Variants in SAMD5 observed in about 807,000 individuals in gnomAD.
The protein encoded by SAMD5 is sterile alpha motif domain-containing protein 5.
SAMD5 carries 13 observed loss-of-function variants against 11.3 expected under a neutral mutation model. The ratio of observed to expected loss-of-function variants is 1.15; its 90% CI spans 0.75 to 1.83. The LOEUF is 1.83. Among genes scored for constraint, SAMD5 ranks in the 40% most tolerant of loss-of-function variants. SAMD5 has a pLI of 0.00. For missense variants in SAMD5, 255 were observed against 239.1 expected, an observed-to-expected ratio of 1.07 and a Z score of -0.44; for synonymous variants, 129 against 111.3, an observed-to-expected ratio of 1.16 and a Z score of -1.00.
intron 1 of SAMD5, among the ~76,000 whole-genome samples, chr6:147,532,529 T>C (rs999084787): frequency 1.2e-4 from 19 of 152,262 alleles, no homozygotes; most frequent in Non-Finnish European, 1.6e-4. Context: ...TATTCACTCA[T>C]TGGTTATGAG....
At chr6:147,889,064 A>T in the SAMD5 span, among the ~76,000 whole-genome samples, 1 of 152,238 alleles carries the variant, frequency 6.6e-6, no homozygotes, top group Admixed American at 6.5e-5. Flanking sequence ...TTCTTCAAAT[A>T]CTTTTTGTTT....
At chr6:147,890,511 A>T in the SAMD5 span, among the ~76,000 whole-genome samples, 1 of 151,768 alleles carries the variant, frequency 6.6e-6, no homozygotes, top group Non-Finnish European at 1.5e-5. Context: ...GGCACACACC[A>T]CCACGCCCCG....
chr6:147,934,621 G>A, the SAMD5 span, among the ~76,000 whole-genome samples: 1 of 152,112 alleles, frequency 6.6e-6, no homozygotes, highest in African/African-American at 2.4e-5. Context: ...AGAGGCAGCA[G>A]GGAACATAAC....
chr6:147,590,008 T>C (rs1299513638), intron 1 of SAMD5, among the ~76,000 whole-genome samples: 1 of 152,176 alleles, frequency 6.6e-6, no homozygotes, highest in Non-Finnish European at 1.5e-5. Context: ...TCTCTCCAAA[T>C]AGACTGTTCA....
At chr6:147,807,225 G>C in the SAMD5 span, among the ~76,000 whole-genome samples, 1 of 151,994 alleles carries the variant, frequency 6.6e-6, no homozygotes, top group Non-Finnish European at 1.5e-5. Flanking sequence ...TCAGACTCCT[G>C]AGTAGCTGGG....
At chr6:147,862,157 T>G in the SAMD5 span, among the ~76,000 whole-genome samples, 1 of 151,510 alleles carries the variant, frequency 6.6e-6, no homozygotes, top group African/African-American at 2.4e-5. Context: ...CTTGTTTAGT[T>G]TTTTTTTTAA....
intron 1 of SAMD5, among the ~76,000 whole-genome samples, chr6:147,515,546 C>G (rs556431625): frequency 6.6e-6 from 1 of 151,984 alleles, no homozygotes; most frequent in East Asian, 1.9e-4. Flanking sequence ...CCATCCTTCC[C>G]TTTACCCATC....
At chr6:147,774,718 T>C in the SAMD5 span, among the ~76,000 whole-genome samples, 2 of 152,130 alleles carry the variant, frequency 1.3e-5, no homozygotes, top group African/African-American at 4.8e-5. Context: ...TATATTGTTA[T>C]TTTTTATAGA....
rs1486950475 is a variant in SAMD5 at position 147,556,752 on chromosome 6, C to T, written c.460-7642C>T. Among the ~76,000 whole-genome samples, 4 of 152,298 alleles carry T rather than the reference C, an allele frequency of 2.6e-5. No individual in the cohort carries two copies. In the South Asian group the frequency reaches 6.2e-4, roughly 24 times the overall value. On this transcript the variant is annotated intron_variant, in intron 1 of 1. Coordinates refer to ENST00000367474, the MANE Select transcript of SAMD5 (RefSeq NM_001030060.3). ...ATATGCTTACATCACATATTAAACT[C>T]TCATTCTTCAATAACTGATATAAAA... is the stretch of plus-strand genomic sequence containing the variant.
In SAMD5 at chr6:147,715,079, T is replaced by G. The variant is rs897568207; in HGVS notation, c.163-22238T>G. On this transcript the variant is annotated intron_variant, in intron 1 of 1. Coordinates refer to the SAMD5 transcript ENST00000566741. ...AAGGGTAGAGTTTTACACTCTTTCC[T>G]GCAGTGGTGTCACGGGATCTTTAGG... 3.9e-5 allele frequency among the ~76,000 whole-genome samples: 6 copies of G among 152,250 alleles called. No homozygotes were observed. In the East Asian group the frequency reaches 1.2e-3, roughly 29 times the overall value.
At chr6:147,761,455 G>A in the SAMD5 span, among the ~76,000 whole-genome samples, 1 of 151,916 alleles carries the variant, frequency 6.6e-6, no homozygotes, top group African/African-American at 2.4e-5. Context: ...GGCTTTGATA[G>A]GACAAAGAAA....
At position 147,569,803 on chromosome 6, in the gene SAMD5, T is replaced by C. The variant is rs1789108007; in HGVS notation, c.*5347T>C. The C allele has an allele frequency of 1.0e-6, 1 of 985,276 alleles. No homozygotes were observed. Among genetic ancestry groups the C allele is most frequent in the Non-Finnish European group, 1.2e-6 (1 of 829,878 alleles). 61.0% of individuals were successfully genotyped at this position (985,276 alleles called of 1,614,324 possible). On this transcript the variant is annotated 3_prime_UTR_variant, in exon 2 of 2. Transcript: ENST00000367474. ...GTATATCTGAGTAGCGAAGCACAGA[T>C]TCACTCTAATTGAAAGCAGCAGTTT...
the SAMD5 span, among the ~76,000 whole-genome samples, chr6:147,905,992 C>T: frequency 3.3e-5 from 5 of 152,110 alleles, no homozygotes; most frequent in African/African-American, 9.7e-5. Flanking sequence ...TGGTCCACAG[C>T]GAGATCTCAG....
intron 1 of SAMD5, among the ~76,000 whole-genome samples, chr6:147,658,953 T>C (rs1330004464): frequency 6.6e-6 from 1 of 152,200 alleles, no homozygotes; most frequent in Non-Finnish European, 1.5e-5. Context: ...TAATGAGTGG[T>C]AATTATTCCA....
chr6:147,736,659 T>C (rs1467059533), intron 1 of SAMD5, among the ~76,000 whole-genome samples: 3 of 152,192 alleles, frequency 2.0e-5, no homozygotes, highest in Admixed American at 2.0e-4. Flanking sequence ...GCATTGGGGA[T>C]GATAGTTCAC....
the SAMD5 span, among the ~76,000 whole-genome samples, chr6:147,816,301 A>AAAAAAAAAAATATATATATATAT: frequency 1.5e-4 from 10 of 66,350 alleles, no homozygotes; most frequent in Admixed American, 2.0e-4. Flanking sequence ...AAAAAAAAAA[A>AAAAAAAAAAATATATATATATAT]ATATATATAT....
chr6:147,697,115 A>G lies in SAMD5; in HGVS notation c.163-40202A>G, dbSNP rs1165385760. On this transcript the variant is annotated intron_variant, in intron 1 of 1. Coordinates refer to the SAMD5 transcript ENST00000566741. ...TTTTGGGAGGGCGCTAATCCCATGTATTGTTACCGAAACACCAGGGTTTCC... is the reference window on the plus strand; with the variant it reads ...TTTTGGGAGGGCGCTAATCCCATGTGTTGTTACCGAAACACCAGGGTTTCC... Among the ~76,000 whole-genome samples the G allele has an allele frequency of 3.3e-5, 5 of 152,200 alleles. No individual in the cohort carries two copies. In the East Asian group the frequency reaches 7.7e-4, roughly 24 times the overall value.
At chr6:147,667,181 A>G (rs1282917670) in intron 1 of SAMD5, among the ~76,000 whole-genome samples, 1 of 152,186 alleles carries the variant, frequency 6.6e-6, no homozygotes, top group African/African-American at 2.4e-5. Context: ...AGAGATAAGC[A>G]TAAGGCCTGT....
the SAMD5 span, among the ~76,000 whole-genome samples, chr6:147,936,540 C>T: frequency 6.6e-6 from 1 of 152,010 alleles, no homozygotes; most frequent in Non-Finnish European, 1.5e-5. Context: ...TAGTGCTAAA[C>T]CAGTCATGAG....
Sources: gnomAD v4.1 joint callset for allele counts (sites outside exome capture counted in the v4.1 genomes callset) on GRCh38, gnomAD v4.1.1 for gene constraint, MANE v1.5 for transcripts, NCBI Gene and HGNC (gene_info 2026-07-23, HGNC 2026-07-21) for gene names.